Variants in CDH15 observed in about 807,000 individuals in gnomAD.
The protein encoded by CDH15 is cadherin-15.
CDH15 carries 73 observed loss-of-function variants against 69.4 expected under a neutral mutation model. The ratio of observed to expected loss-of-function variants is 1.05; its 90% CI spans 0.87 to 1.28. The LOEUF (loss-of-function observed/expected upper bound fraction) is 1.28, where lower values mean the gene tolerates loss of function less well. Among genes scored for constraint, CDH15 ranks in the 50% most tolerant of loss-of-function variants. CDH15 has a pLI of 0.00. For missense variants in CDH15, 1,343 were observed against 1,133.6 expected, an observed-to-expected ratio of 1.18 and a Z score of -2.65; for synonymous variants, 624 against 507.7, an observed-to-expected ratio of 1.23 and a Z score of -3.08.
rs1567777090 is a variant in CDH15 at position 89,192,469 on chromosome 16, T to C, written c.1855+25T>C. On this transcript the variant is annotated intron_variant, in intron 11 of 13. Coordinates refer to ENST00000289746, the MANE Select transcript of CDH15 (RefSeq NM_004933.3). Reference sequence around the variant, plus strand: ...GGTGAGTGAGCGCCCCGCCTCCACCTGGACCCTCGGACCCTCGGACCCTCC... The same window carrying C: ...GGTGAGTGAGCGCCCCGCCTCCACCCGGACCCTCGGACCCTCGGACCCTCC... The C allele has an allele frequency of 2.6e-6, 4 of 1,563,228 alleles. No homozygotes were observed. The Admixed American group carries it at 5.4e-5, about 21-fold the overall frequency.
intron 8 of CDH15, 143 bp from the exon 9 acceptor site, chr16:89,191,185 GTA>G (rs1915631809): frequency 2.3e-6 from 2 of 883,130 alleles, no homozygotes; most frequent in African/African-American, 1.7e-5. Flanking sequence ...GTGTGCGTGT[GTA>G]TATGTTGTGT....
chr16:89,180,109 C>A, intron 2 of CDH15, 91 bp from the exon 3 acceptor site: 2 of 1,417,472 alleles, frequency 1.4e-6, no homozygotes, highest in Non-Finnish European at 2.0e-6. Flanking sequence ...ACCTGCCCTG[C>A]TGTCAGCTGG....
chr16:89,190,466 A>G lies in CDH15; in HGVS notation c.1202A>G (p.Asp401Gly), dbSNP rs763677315. ...GTLVATFSAR[D>G]PDTEQLQRLS... ...CTGGTGGCCACCTTCTCTGCCCGGG[A>G]CCCTGACACAGAGCAGCTGCAGAGG... The change falls in exon 8 of 14, where the codon GAC (aspartate) becomes GGC (glycine). Residue 401 changes from aspartate to glycine, a missense_variant. Asp to Gly is a moderately conservative substitution (Grantham distance 94). Coordinates refer to ENST00000289746, the MANE Select transcript of CDH15 (RefSeq NM_004933.3). 1.9e-6 allele frequency: 3 copies of G among 1,599,954 alleles called. No homozygotes were observed. In the South Asian group the frequency reaches 3.4e-5, roughly 18 times the overall value.
intron 3 of CDH15, 124 bp from the exon 4 acceptor site, chr16:89,183,424 C>A: frequency 2.7e-6 from 3 of 1,121,098 alleles, no homozygotes; most frequent in East Asian, 2.5e-5. Flanking sequence ...TGTTTCTCGC[C>A]TGTTTAAGCT....
Position 89,185,921 on chromosome 16 carries a change from G to A in CDH15, c.663+588G>A, listed in dbSNP as rs117874795. ...CAGCGCACAGTGGTGCTCTGTAAAC[G>A]CTTATCCAGCACACAGTAGGTGCTC... On this transcript the variant is annotated intron_variant, in intron 5 of 13. Coordinates refer to ENST00000289746, the MANE Select transcript of CDH15 (RefSeq NM_004933.3). 6.3e-3 allele frequency: 1,081 copies of A among 171,558 alleles called. 21 individuals carry two copies. Among genetic ancestry groups the A allele is most frequent in the East Asian group, 0.025 (145 of 5,878 alleles). The allele number at this position is 171,558 out of a possible 1,614,324, so 10.6% of individuals were successfully genotyped here.
chr16:89,193,606 G>C lies in CDH15; in HGVS notation c.1992G>C (p.Gln664His), dbSNP rs749402027. The C allele has an allele frequency of 1.3e-6, 2 of 1,592,874 alleles. No individual in the cohort carries two copies. The highest frequency in any genetic ancestry group is 2.3e-5 in the East Asian group (1 of 44,032). Residue 664 changes from glutamine (Q) to histidine (H), a missense_variant and splice_region_variant, in exon 12 of 14, where the codon CAG becomes CAC. By Grantham distance (24) the Gln-to-His change is conservative (BLOSUM62 0). Coordinates refer to ENST00000289746, the MANE Select transcript of CDH15 (RefSeq NM_004933.3). ...YDEQGGGEED[Q>H]DAYDISQLRH... is the part of the protein sequence containing the mutation. ...AGCAAGGAGGCGGGGAGGAGGACCA[G>C]GTGAGGGGGCAGGTGTGGGTGGGGA...
chr16:89,178,115 C>T (rs1915297057), intron 1 of CDH15, among the ~76,000 whole-genome samples: 1 of 152,202 alleles, frequency 6.6e-6, no homozygotes, highest in African/African-American at 2.4e-5. Flanking sequence ...GGACTTGGGT[C>T]CCTTCTCTAG....
intron 1 of CDH15, among the ~76,000 whole-genome samples, chr16:89,174,418 G>A (rs894977452): frequency 6.6e-6 from 1 of 152,174 alleles, no homozygotes; most frequent in South Asian, 2.1e-4. Flanking sequence ...TTGGAAAACC[G>A]GGGGAGCAGG....
At chr16:89,194,001 A>G (rs1210950980) in intron 13 of CDH15, 88 bp downstream of exon 13, 2 of 1,427,362 alleles carry the variant, frequency 1.4e-6, no homozygotes, top group Non-Finnish European at 1.9e-6. Context: ...CATGCATGCA[A>G]GAACCGGCGC....
chr16:89,188,744 GCACACACAGATGCCCA>G, intron 7 of CDH15, among the ~76,000 whole-genome samples: 1 of 88,686 alleles, frequency 1.1e-5, no homozygotes, highest in Non-Finnish European at 2.2e-5. Context: ...ACAGATGCCG[GCACACACAGATGCCCA>G]CACACAGATG....
At chr16:89,173,133 G>T (rs1045272713) in intron 1 of CDH15, among the ~76,000 whole-genome samples, 1 of 152,134 alleles carries the variant, frequency 6.6e-6, no homozygotes, top group Admixed American at 6.5e-5. Context: ...AGACAGTGGT[G>T]GGGGGAGACA....
intron 6 of CDH15, 91 bp downstream of exon 6, chr16:89,187,648 G>A: frequency 6.5e-7 from 1 of 1,547,072 alleles, no homozygotes; most frequent in Non-Finnish European, 8.8e-7. Flanking sequence ...GCTTCATGAT[G>A]GGGCAGGAGG....
intron 7 of CDH15, among the ~76,000 whole-genome samples, chr16:89,189,059 A>C (rs1426548667): frequency 1.4e-5 from 2 of 148,058 alleles, no homozygotes; most frequent in African/African-American, 5.0e-5. Flanking sequence ...GCCCACACAC[A>C]GATGCCGGCA....
At chr16:89,191,209 T>G in intron 8 of CDH15, 121 bp from the exon 9 acceptor site, 2 of 1,122,430 alleles carry the variant, frequency 1.8e-6, no homozygotes, top group South Asian at 2.5e-5. Context: ...CATGTGTGCA[T>G]GCATGTGGTA....
rs1356454216 is a variant in CDH15, at chr16:89,194,889, A to G, written c.2179A>G (p.Ser727Gly). The change falls in exon 14 of 14, where the codon AGT (serine) becomes GGT (glycine). Residue 727 changes from serine (S) to glycine (G), a missense_variant. Physicochemically the swap from Ser to Gly is moderately conservative, Grantham distance 56 (BLOSUM62 0). Transcript: ENST00000289746. ...CTTGGAGGCTGCAGATAGTGACCCC[A>G]GTGTGCCGCCTTACGACACAGCCCT... ...DGLEAADSDP[S>G]VPPYDTALIY... The G allele has an allele frequency of 1.2e-6, 2 of 1,606,688 alleles. No individual in the cohort carries two copies. Among genetic ancestry groups the G allele is most frequent in the Non-Finnish European group, 8.5e-7 (1 of 1,176,872 alleles).
At chr16:89,173,047 G>A (rs368422324) in intron 1 of CDH15, among the ~76,000 whole-genome samples, 128 of 152,142 alleles carry the variant, frequency 8.4e-4, no homozygotes, top group African/African-American at 2.5e-3. Flanking sequence ...CTGACCAGGC[G>A]CCTGGCCAGC....
chr16:89,188,061 C>A (rs757936804), intron 6 of CDH15, 39 bp from the exon 7 acceptor site: 66 of 1,570,092 alleles, frequency 4.2e-5, no homozygotes, highest in Admixed American at 5.4e-5. Context: ...GCTGTCCCCC[C>A]AGCCCTGCTG....
Position 89,193,816 on chromosome 16 carries a change from C to G in CDH15, c.2054C>G (p.Pro685Arg), listed in dbSNP as rs532349829. Residue 685 changes from proline (P) to arginine (R), a missense_variant, in exon 13 of 14, where the codon CCG becomes CGG. Pro to Arg is a moderately radical substitution (Grantham distance 103). Coordinates refer to ENST00000289746, the MANE Select transcript of CDH15 (RefSeq NM_004933.3). ...PTALSLPLGP[P>R]PLRRDAPQGR... ...GCGCTGAGCCTGCCTCTGGGACCGC[C>G]GCCACTTCGCAGAGATGCCCCGCAG... 2 of 1,609,628 alleles carry G rather than the reference C, an allele frequency of 1.2e-6. No homozygotes were observed. The highest frequency in any genetic ancestry group is 1.7e-6 in the Non-Finnish European group (2 of 1,179,598).
Position 89,180,273 on chromosome 16 carries a change from G to A in CDH15, c.275G>A (p.Arg92Gln), listed in dbSNP as rs144248923. Residue 92 changes from arginine (R) to glutamine (Q), a missense_variant, in exon 3 of 14, where the codon CGG (arginine) becomes CAG (glutamine). Coordinates refer to ENST00000289746, the MANE Select transcript of CDH15 (RefSeq NM_004933.3). ...IQGPGVDEEP[R>Q]GVFSIDKFTG... ...GGACCCGGCGTGGATGAGGAGCCCC[G>A]GGGCGTCTTCTCTATCGACAAGTTC... 48 of 1,610,120 alleles carry A rather than the reference G, an allele frequency of 3.0e-5. No individual in the cohort carries two copies. The highest frequency in any genetic ancestry group is 8.0e-5 in the African/African-American group (6 of 74,934).
Sources: gnomAD v4.1 joint callset for allele counts (sites outside exome capture counted in the v4.1 genomes callset) on GRCh38, gnomAD v4.1.1 for gene constraint, MANE v1.5 for transcripts, NCBI Gene and HGNC (gene_info 2026-07-23, HGNC 2026-07-21) for gene names.